The following MACROD2 variants were observed in gnomAD, a reference collection of about 807,000 sequenced individuals.
MACROD2 encodes the protein ADP-ribose glycohydrolase MACROD2.
Under a neutral mutation model 70.4 loss-of-function variants are expected in MACROD2, and 36 were observed. The observed-to-expected ratio is 0.51, with a 90% CI of 0.39 to 0.68. The LOEUF is 0.68. Among genes scored for constraint, MACROD2 ranks in the 30% least tolerant of loss-of-function variants. The pLI is 0.00. For synonymous variants in MACROD2, 172 were observed against 178.8 expected (o/e 0.96, Z 0.30); for missense variants, 496 against 538.4 (o/e 0.92, Z 0.78).
chr20:14,336,500 A>G (rs1424219876), intron 3 of MACROD2, among the ~76,000 whole-genome samples: 1 of 152,158 alleles, frequency 6.6e-6, no homozygotes, highest in African/African-American at 2.4e-5. Flanking sequence ...TACTTTTTCA[A>G]GCTTTGTAGT....
At chr20:14,609,333 T>C (rs1400211107) in intron 4 of MACROD2, among the ~76,000 whole-genome samples, 2 of 152,106 alleles carry the variant, frequency 1.3e-5, no homozygotes, top group African/African-American at 2.4e-5. Context: ...AGGAAAGAGA[T>C]GAATCCAGGA....
At chr20:14,103,629 G>A (rs974930797) in intron 3 of MACROD2, among the ~76,000 whole-genome samples, 4 of 151,966 alleles carry the variant, frequency 2.6e-5, no homozygotes, top group African/African-American at 9.7e-5. Context: ...AAAGTTCAGT[G>A]TTTATGCTTC....
intron 5 of MACROD2, among the ~76,000 whole-genome samples, chr20:14,920,888 G>C (rs1398101240): frequency 6.6e-6 from 1 of 152,132 alleles, no homozygotes; most frequent in Non-Finnish European, 1.5e-5. Flanking sequence ...CATTAGGAAA[G>C]TCACTTGGTC....
intron 5 of MACROD2, among the ~76,000 whole-genome samples, chr20:14,996,595 A>G (rs1246828202): frequency 6.6e-6 from 1 of 152,178 alleles, no homozygotes; most frequent in African/African-American, 2.4e-5. Context: ...AAGGGAAGAG[A>G]CACTGAAAAG....
At chr20:14,759,480 A>G (rs1388603712) in intron 5 of MACROD2, among the ~76,000 whole-genome samples, 1 of 152,146 alleles carries the variant, frequency 6.6e-6, no homozygotes, top group East Asian at 1.9e-4. Flanking sequence ...AAGAGATTCT[A>G]TTATAAAGGT....
chr20:15,725,974 A>T (rs1270550284), intron 8 of MACROD2, among the ~76,000 whole-genome samples: 2 of 152,124 alleles, frequency 1.3e-5, no homozygotes, highest in African/African-American at 4.8e-5. Context: ...ACATAATTTT[A>T]TATAGGTAAA....
intron 6 of MACROD2, among the ~76,000 whole-genome samples, chr20:15,332,433 AT>A (rs1329552019): frequency 2.0e-5 from 3 of 151,650 alleles, no homozygotes; most frequent in Non-Finnish European, 4.4e-5. Context: ...AGGGATCTAA[AT>A]TTGGGCCTCA....
Position 15,536,792 on chromosome 20 carries a change from A to G in MACROD2, c.645+36945A>G, listed in dbSNP as rs117963798. Among the ~76,000 whole-genome samples the G allele has an allele frequency of 1.4e-4, 22 of 152,328 alleles. No individual in the cohort carries two copies. The East Asian group carries it at 4.2e-3, about 29-fold the overall frequency. ...ATTATGATCGTTTCCATCCTAAGAT[A>G]TACTTCTCTTTTTAGTATTTTTATA... On this transcript the variant is annotated intron_variant, in intron 8 of 17. Transcript: ENST00000684519.
chr20:15,180,682 G>A (rs752355874), intron 5 of MACROD2, among the ~76,000 whole-genome samples: 1 of 151,980 alleles, frequency 6.6e-6, no homozygotes, highest in South Asian at 2.1e-4. Context: ...AAATATCTAC[G>A]CTCCGTGGTT....
chr20:14,780,379 A>G (rs1338743247), intron 5 of MACROD2, among the ~76,000 whole-genome samples: 2 of 151,930 alleles, frequency 1.3e-5, no homozygotes, highest in African/African-American at 2.4e-5. Context: ...CCTGACCAAC[A>G]TGGAAAAACG....
chr20:15,686,872 C>CA (rs142175244), intron 8 of MACROD2, among the ~76,000 whole-genome samples: 1,086 of 68,652 alleles, frequency 0.016, 23 homozygotes, highest in African/African-American at 0.024. Context: ...GACTCCATCT[C>CA]AAAAAAAAAA....
chr20:14,003,012 CAT>C (rs552454964), intron 2 of MACROD2, among the ~76,000 whole-genome samples: 104 of 152,192 alleles, frequency 6.8e-4, no homozygotes, highest in Middle Eastern at 3.4e-3. Flanking sequence ...CTAAAAACAA[CAT>C]AATAGATTTA....
Position 15,997,733 on chromosome 20 carries a change from A to G in MACROD2, c.1153+10575A>G, listed in dbSNP as rs562361222. On this transcript the variant is annotated intron_variant, in intron 15 of 17. Coordinates refer to ENST00000684519, the MANE Select transcript of MACROD2 (RefSeq NM_001351661.2). ...TAGGACTTCTAGTTCTATGTTGCATAGAAGTGGTGAGTAGGGGCATCTTTG... is the reference window on the plus strand; with the variant it reads ...TAGGACTTCTAGTTCTATGTTGCATGGAAGTGGTGAGTAGGGGCATCTTTG... Among the ~76,000 whole-genome samples the G allele has an allele frequency of 3.7e-4, 56 of 152,258 alleles. No homozygotes were observed. The South Asian group carries it at 0.01, about 28-fold the overall frequency.
At chr20:15,791,677 T>C (rs1471324676) in intron 8 of MACROD2, among the ~76,000 whole-genome samples, 1 of 152,008 alleles carries the variant, frequency 6.6e-6, no homozygotes, top group Non-Finnish European at 1.5e-5. Context: ...AATCCATTTA[T>C]AATAGCAACA....
Position 14,009,646 on chromosome 20 carries a change from A to G in MACROD2, c.163+7242A>G, listed in dbSNP as rs545483976. Among the ~76,000 whole-genome samples the G allele has an allele frequency of 4.6e-5, 7 of 152,328 alleles. No homozygotes were observed. In the South Asian group the frequency reaches 1.5e-3, roughly 32 times the overall value. ...CACCCAAATGAATATAAATCATTCTATTATAAAGATAATAAAAGAAGGCGT... is the reference window on the plus strand; with the variant it reads ...CACCCAAATGAATATAAATCATTCTGTTATAAAGATAATAAAAGAAGGCGT... On this transcript the variant is annotated intron_variant, in intron 2 of 17. Coordinates refer to ENST00000684519, the MANE Select transcript of MACROD2 (RefSeq NM_001351661.2).
intron 3 of MACROD2, among the ~76,000 whole-genome samples, chr20:14,192,895 G>C (rs372236215): frequency 1.2e-4 from 19 of 152,246 alleles, no homozygotes; most frequent in African/African-American, 4.1e-4. Context: ...AATGATCCTT[G>C]GTGGCTCATC....
At chr20:15,001,828 C>T (rs1460483118) in intron 5 of MACROD2, among the ~76,000 whole-genome samples, 1 of 151,858 alleles carries the variant, frequency 6.6e-6, no homozygotes. Flanking sequence ...AGTATACACT[C>T]AACACAATTT....
At chr20:15,050,872 AGAT>A (rs2075434472) in intron 5 of MACROD2, among the ~76,000 whole-genome samples, 1 of 152,186 alleles carries the variant, frequency 6.6e-6, no homozygotes, top group Non-Finnish European at 1.5e-5. Flanking sequence ...ATTAGAATAA[AGAT>A]GACTCTTGGT....
chr20:14,958,156 T>A (rs1408798401), intron 5 of MACROD2, among the ~76,000 whole-genome samples: 1 of 152,214 alleles, frequency 6.6e-6, no homozygotes, highest in East Asian at 1.9e-4. Context: ...TTCTAATGTG[T>A]ATGTATTACC....
Sources: gnomAD v4.1 joint callset for allele counts (sites outside exome capture counted in the v4.1 genomes callset) on GRCh38, gnomAD v4.1.1 for gene constraint, MANE v1.5 for transcripts, NCBI Gene and HGNC (gene_info 2026-07-23, HGNC 2026-07-21) for gene names.